KIF13A: variants seen among roughly 807,000 people sequenced by gnomAD.
KIF13A encodes the protein kinesin-like protein KIF13A.
Under a neutral mutation model 212.2 loss-of-function variants are expected in KIF13A, and 79 were observed. The observed-to-expected ratio is 0.37, with a 90% CI of 0.31 to 0.45. The LOEUF is 0.45. Ranked by LOEUF, KIF13A falls within the 20% of genes least tolerant of loss-of-function variation. The probability of loss-of-function intolerance (pLI) is 1.00; values close to 1 mark genes in which losing one functional copy is unlikely to be tolerated. For missense variants in KIF13A, 1,901 were observed against 2,209.0 expected, an observed-to-expected ratio of 0.86 and a Z score of 2.79; for synonymous variants, 789 against 808.6, an observed-to-expected ratio of 0.98 and a Z score of 0.41.
chr6:17,764,306 A>G lies in KIF13A; in HGVS notation c.5222T>C (p.Val1741Ala). Residue 1741 changes from valine (V) to alanine (A), a missense_variant, in exon 39 of 39, where the codon GTG (valine) becomes GCG (alanine). Transcript: ENST00000259711. The surrounding 1 kb of genome is among the most constrained non-coding windows in gnomAD (Gnocchi z 5.1). Reference sequence around the variant, plus strand: ...ACCATCAAAATCTTTTCCCTCTGACACTCCCATAAATTCTGTGAAAGAATG... The same window carrying G: ...ACCATCAAAATCTTTTCCCTCTGACGCTCCCATAAATTCTGTGAAAGAATG... The part of the protein sequence containing the change: ...EDHSFTEFMG[V>A]SEGKDFDGLT... The G allele has an allele frequency of 6.2e-7, 1 of 1,613,796 alleles. No homozygotes were observed. Among genetic ancestry groups the G allele is most frequent in the Non-Finnish European group, 8.5e-7 (1 of 1,179,860 alleles).
intron 32 of KIF13A, 96 bp from the exon 33 acceptor site, chr6:17,779,195 C>T: frequency 2.5e-6 from 2 of 811,288 alleles, no homozygotes; most frequent in South Asian, 3.4e-5. Context: ...GGAGAATGAA[C>T]ACATTCTCCA....
At chr6:17,820,090 C>G (rs746165505) in intron 16 of KIF13A, among the ~76,000 whole-genome samples, 1 of 152,112 alleles carries the variant, frequency 6.6e-6, no homozygotes, top group Non-Finnish European at 1.5e-5. Context: ...TCCCAAATGA[C>G]TGGGGCAGAG....
At chr6:17,804,915 G>A (rs1419807053) in intron 19 of KIF13A, among the ~76,000 whole-genome samples, 1 of 144,858 alleles carries the variant, frequency 6.9e-6, no homozygotes, top group African/African-American at 2.5e-5. Context: ...TTCCTCTTCA[G>A]TTCCTGCCTT....
At chr6:17,945,098 T>A (rs1469272092) in intron 2 of KIF13A, among the ~76,000 whole-genome samples, 1 of 152,156 alleles carries the variant, frequency 6.6e-6, no homozygotes, top group South Asian at 2.1e-4. Flanking sequence ...CACGGCAAGA[T>A]CCTGTCTCTA....
intron 14 of KIF13A, among the ~76,000 whole-genome samples, chr6:17,827,188 G>A (rs976107649): frequency 6.6e-6 from 1 of 152,100 alleles, no homozygotes; most frequent in East Asian, 1.9e-4. Context: ...TCAACCTCGT[G>A]GGCTCAAGTG....
At chr6:17,978,090 C>G (rs12191568) in intron 2 of KIF13A, among the ~76,000 whole-genome samples, 15,709 of 152,228 alleles carry the variant, frequency 0.1, 1,052 homozygotes, top group East Asian at 0.18. Flanking sequence ...ACACTGGATT[C>G]AATCAAATGA....
rs1761835969 is a variant in KIF13A, at chr6:17,794,128, T to A, written c.3222+121A>T. 8.7e-6 allele frequency: 6 copies of A among 690,348 alleles called. No individual in the cohort carries two copies. The highest frequency in any genetic ancestry group is 1.4e-5 in the Non-Finnish European group (6 of 418,230). The allele number at this position is 690,348 out of a possible 1,614,324, so 42.8% of individuals were successfully genotyped here. A position where few individuals can be genotyped will look rare whatever the true frequency, so the allele number is the denominator to read the frequency against. Reference sequence around the variant, plus strand: ...CTAGAAAAAAGGCAATGGATGGAAATGTGAACTGGGGGAAGATCTACGGTT... The same window carrying A: ...CTAGAAAAAAGGCAATGGATGGAAAAGTGAACTGGGGGAAGATCTACGGTT... On this transcript the variant is annotated intron_variant, in intron 25 of 38. Coordinates refer to ENST00000259711, the MANE Select transcript of KIF13A (RefSeq NM_022113.6). This position sits in a 1 kb window ranked among gnomAD's most constrained non-coding sequence, Gnocchi z 4.1.
At chr6:17,847,794 G>A (rs1005534014) in intron 9 of KIF13A, among the ~76,000 whole-genome samples, 1 of 151,996 alleles carries the variant, frequency 6.6e-6, no homozygotes, top group Non-Finnish European at 1.5e-5. Flanking sequence ...CTAACAAATC[G>A]GTGAAGTAGG....
At chr6:17,983,075 A>G (rs1188052629) in intron 2 of KIF13A, among the ~76,000 whole-genome samples, 3 of 150,844 alleles carry the variant, frequency 2.0e-5, no homozygotes, top group Non-Finnish European at 2.9e-5. Context: ...CGGGAGGCTG[A>G]GGCAGGAGAA....
intron 2 of KIF13A, among the ~76,000 whole-genome samples, chr6:17,976,137 G>A (rs1168540419): frequency 6.6e-6 from 1 of 152,244 alleles, no homozygotes; most frequent in Non-Finnish European, 1.5e-5. Flanking sequence ...TTCACCCAGT[G>A]GATCCCGCAC....
Position 17,764,412 on chromosome 6 carries a change from G to C in KIF13A, c.5116C>G (p.Pro1706Ala). The change falls in exon 39 of 39, where the codon CCC (proline) becomes GCC (alanine). Residue 1706 changes from proline (P) to alanine (A), a missense_variant. Pro to Ala is a conservative substitution (Grantham distance 27). Coordinates refer to ENST00000259711, the MANE Select transcript of KIF13A (RefSeq NM_022113.6). This position sits in a 1 kb window ranked among gnomAD's most constrained non-coding sequence, Gnocchi z 5.1. ...CTGGCTGGCTGGCTAATTTTGCTGGGGCAGGCATCTAGTTCTGAACATGAG... is the reference window on the plus strand; with the variant it reads ...CTGGCTGGCTGGCTAATTTTGCTGGCGCAGGCATCTAGTTCTGAACATGAG... ...TGSCSELDACPSKISQPARGF... is the reference protein window; with the variant it reads ...TGSCSELDACASKISQPARGF... 1 of 1,613,976 alleles carries C rather than the reference G, an allele frequency of 6.2e-7. No homozygotes were observed. The highest frequency in any genetic ancestry group is 1.7e-5 in the Admixed American group (1 of 60,020).
At chr6:17,983,172 C>CAAAA (rs530156481) in intron 2 of KIF13A, among the ~76,000 whole-genome samples, 1 of 76,648 alleles carries the variant, frequency 1.3e-5, no homozygotes, top group Non-Finnish European at 2.8e-5. Flanking sequence ...GACTCCATCT[C>CAAAA]AAAAAAAAAA....
At chr6:17,975,512 G>C (rs147944140) in intron 2 of KIF13A, among the ~76,000 whole-genome samples, 3,015 of 152,250 alleles carry the variant, frequency 0.02, 35 homozygotes, top group Non-Finnish European at 0.029. Flanking sequence ...GGCCCAAAAA[G>C]GGAGCAGCAA....
chr6:17,975,471 G>A (rs377269623), intron 2 of KIF13A, among the ~76,000 whole-genome samples: 25 of 152,152 alleles, frequency 1.6e-4, no homozygotes, highest in Admixed American at 4.6e-4. Context: ...GACCTTCAGC[G>A]GTGAGCGTTA....
chr6:17,937,581 TA>T (rs994677413), intron 2 of KIF13A, among the ~76,000 whole-genome samples: 7 of 152,168 alleles, frequency 4.6e-5, no homozygotes, highest in African/African-American at 1.7e-4. Flanking sequence ...TGAAGTGATT[TA>T]TTTGAGGTCT....
At position 17,900,452 on chromosome 6, in the gene KIF13A, C is replaced by T. The variant is rs1772949490; in HGVS notation, c.147-2272G>A. On this transcript the variant is annotated intron_variant, in intron 2 of 38. Transcript: ENST00000259711. The surrounding 1 kb of genome is among the most constrained non-coding windows in gnomAD (Gnocchi z 4.6). ...TTCTCACTTAGAAGATAGCCCATAA[C>T]ATGGGAATACCAATATAATTCTGCT... 6.6e-6 allele frequency among the ~76,000 whole-genome samples: 1 copy of T among 152,204 alleles called. No homozygotes were observed. The highest frequency in any genetic ancestry group is 1.5e-5 in the Non-Finnish European group (1 of 68,032).
chr6:17,951,476 T>A lies in KIF13A; in HGVS notation c.146+35578A>T. 1 of 497,906 alleles carries A rather than the reference T, an allele frequency of 2.0e-6. No individual in the cohort carries two copies. The highest frequency in any genetic ancestry group is 3.6e-6 in the Non-Finnish European group (1 of 279,284). The allele number at this position is 497,906 out of a possible 1,614,324, so 30.8% of individuals were successfully genotyped here. The stretch of plus-strand genomic sequence containing the variant: ...AAACAGCTTTAAGATATAATTTATA[T>A]ACCATACAATTTACCCACTAAAAGT... On this transcript the variant is annotated intron_variant, in intron 2 of 38. Transcript: ENST00000259711. This position sits in a 1 kb window ranked among gnomAD's most constrained non-coding sequence, Gnocchi z 4.9.
At position 17,855,977 on chromosome 6, in the gene KIF13A, C is replaced by T. The variant is rs1409503745; in HGVS notation, c.313+53G>A. The T allele has an allele frequency of 4.7e-6, 6 of 1,284,090 alleles. 1 individual carries two copies. The highest frequency in any genetic ancestry group is 6.8e-6 in the Non-Finnish European group (6 of 888,110). 79.5% of individuals were successfully genotyped at this position (1,284,090 alleles called of 1,614,324 possible). ...CCTCCCACCCCAGCCTCACCAAGTC[C>T]TGGGATTATAGGCATGATCCCCCAC... On this transcript the variant is annotated intron_variant, in intron 5 of 38. Coordinates refer to ENST00000259711, the MANE Select transcript of KIF13A (RefSeq NM_022113.6). The surrounding 1 kb of genome is among the most constrained non-coding windows in gnomAD (Gnocchi z 4.1).
Position 17,855,729 on chromosome 6 carries a change from G to T in KIF13A, c.314-112C>A. ...GCCATGGTAACATAGCAGAAGAGTG[G>T]CCAACTTAGCCTCAAACCCTGTTGC... On this transcript the variant is annotated intron_variant, in intron 5 of 38. Coordinates refer to ENST00000259711, the MANE Select transcript of KIF13A (RefSeq NM_022113.6). This position sits in a 1 kb window ranked among gnomAD's most constrained non-coding sequence, Gnocchi z 4.1. 1 of 820,422 alleles carries T rather than the reference G, an allele frequency of 1.2e-6. No homozygotes were observed. The highest frequency in any genetic ancestry group is 1.9e-6 in the Non-Finnish European group (1 of 530,138). The allele number at this position is 820,422 out of a possible 1,614,324, so 50.8% of individuals were successfully genotyped here.
Sources: gnomAD v4.1 joint callset for allele counts (sites outside exome capture counted in the v4.1 genomes callset) on GRCh38, gnomAD v4.1.1 for gene constraint, Gnocchi (gnomAD v3.1) non-coding constraint, MANE v1.5 for transcripts, NCBI Gene and HGNC (gene_info 2026-07-23, HGNC 2026-07-21) for gene names.